CHST11: variants seen among roughly 807,000 people sequenced by gnomAD.
CHST11 encodes the protein C4S-1.
In CHST11, 9 loss-of-function variants were observed where a neutral mutation model predicts 30.4. The ratio of observed to expected loss-of-function variants is 0.30; its 90% CI spans 0.18 to 0.52. The LOEUF is 0.52. Among genes scored for constraint, CHST11 ranks in the 20% least tolerant of loss-of-function variants. The probability of loss-of-function intolerance (pLI) is 0.97; values close to 1 mark genes in which losing one functional copy is unlikely to be tolerated. For synonymous variants in CHST11, 152 were observed against 187.8 expected, an observed-to-expected ratio of 0.81 and a Z score of 1.56; for missense variants, 348 against 460.6, an observed-to-expected ratio of 0.76 and a Z score of 2.24.
chr12:104,730,829 C>T (rs956740455), intron 2 of CHST11, among the ~76,000 whole-genome samples: 1 of 152,174 alleles, frequency 6.6e-6, no homozygotes, highest in African/African-American at 2.4e-5. Flanking sequence ...TTGGAGTGGA[C>T]GGAAGGTGCA....
chr12:104,526,393 T>A (rs2038126175), intron 1 of CHST11, among the ~76,000 whole-genome samples: 1 of 152,032 alleles, frequency 6.6e-6, no homozygotes, highest in Non-Finnish European at 1.5e-5. Flanking sequence ...TGAGGGACAT[T>A]TAATTTATGT....
At chr12:104,493,183 T>G (rs2037766000) in intron 1 of CHST11, among the ~76,000 whole-genome samples, 1 of 152,202 alleles carries the variant, frequency 6.6e-6, no homozygotes, top group African/African-American at 2.4e-5. Context: ...ATGGAAATGG[T>G]GCACGATGGC....
intron 2 of CHST11, among the ~76,000 whole-genome samples, chr12:104,619,530 C>T (rs1402742174): frequency 6.6e-6 from 1 of 152,102 alleles, no homozygotes; most frequent in Non-Finnish European, 1.5e-5. Flanking sequence ...GGTCGTGTTT[C>T]GAGCGCTCTC....
intron 2 of CHST11, among the ~76,000 whole-genome samples, chr12:104,735,585 G>A (rs773815001): frequency 3.9e-5 from 6 of 152,200 alleles, no homozygotes; most frequent in Admixed American, 6.5e-5. Flanking sequence ...CACAGTTAGC[G>A]GGAAGAAGAG....
chr12:104,583,931 C>T (rs1313419816), intron 1 of CHST11, among the ~76,000 whole-genome samples: 1 of 152,042 alleles, frequency 6.6e-6, no homozygotes, highest in Non-Finnish European at 1.5e-5. Context: ...CGGGCTGGTC[C>T]CAAACTCCCG....
At chr12:104,513,426 A>G (rs2037989790) in intron 1 of CHST11, among the ~76,000 whole-genome samples, 1 of 152,204 alleles carries the variant, frequency 6.6e-6, no homozygotes, top group Non-Finnish European at 1.5e-5. Context: ...TTACCATTCC[A>G]GAACGTTTGT....
At chr12:104,559,974 T>C (rs913551877) in intron 1 of CHST11, among the ~76,000 whole-genome samples, 1 of 152,136 alleles carries the variant, frequency 6.6e-6, no homozygotes, top group Admixed American at 6.5e-5. Flanking sequence ...GTTGAGGAAG[T>C]CTTCCCTGAA....
intron 1 of CHST11, among the ~76,000 whole-genome samples, chr12:104,487,355 G>A (rs548264184): frequency 1.3e-5 from 2 of 152,246 alleles, no homozygotes; most frequent in Middle Eastern, 3.4e-3. Context: ...TTGACTTCTT[G>A]GGCTTAAGCG....
chr12:104,585,806 A>G (rs1407636025), intron 1 of CHST11, among the ~76,000 whole-genome samples: 1 of 152,192 alleles, frequency 6.6e-6, no homozygotes, highest in African/African-American at 2.4e-5. Flanking sequence ...TGAAGGCCCT[A>G]GGGAAGAATC....
intron 1 of CHST11, among the ~76,000 whole-genome samples, chr12:104,512,221 G>A (rs1243785322): frequency 6.6e-6 from 1 of 152,150 alleles, no homozygotes; most frequent in South Asian, 2.1e-4. Flanking sequence ...AGGGTAGAAA[G>A]AAAATGAAAT....
intron 2 of CHST11, among the ~76,000 whole-genome samples, chr12:104,612,668 T>G (rs2136054402): frequency 6.6e-6 from 1 of 152,306 alleles, no homozygotes; most frequent in African/African-American, 2.4e-5. Flanking sequence ...ATAAAAGTCC[T>G]TCTGTTAGCA....
At chr12:104,530,234 C>T (rs1021489382) in intron 1 of CHST11, among the ~76,000 whole-genome samples, 5 of 152,086 alleles carry the variant, frequency 3.3e-5, no homozygotes, top group African/African-American at 9.7e-5. Context: ...GAGTTAAATG[C>T]TCAATAAATG....
At chr12:104,679,448 C>T (rs1394726129) in intron 2 of CHST11, among the ~76,000 whole-genome samples, 1 of 152,276 alleles carries the variant, frequency 6.6e-6, no homozygotes, top group East Asian at 1.9e-4. Context: ...TCCCCCTGAG[C>T]CGCAGTCTCC....
chr12:104,642,465 A>G (rs192317649), intron 2 of CHST11, among the ~76,000 whole-genome samples: 52 of 152,284 alleles, frequency 3.4e-4, no homozygotes, highest in Admixed American at 1.8e-3. Context: ...CAGTGGCGCA[A>G]TCGTGGCTTA....
At chr12:104,684,534 ATGGTTTGGTT>A (rs201560164) in intron 2 of CHST11, among the ~76,000 whole-genome samples, 6 of 152,080 alleles carry the variant, frequency 3.9e-5, no homozygotes, top group Non-Finnish European at 5.9e-5. Flanking sequence ...TTTGTTTGAT[ATGGTTTGGTT>A]TGGTTTGGTT....
intron 2 of CHST11, among the ~76,000 whole-genome samples, chr12:104,731,845 A>G (rs766565190): frequency 1.9e-4 from 29 of 152,376 alleles, no homozygotes; most frequent in South Asian, 1.2e-3. Context: ...GCCTCCTTCA[A>G]GGTGCATTTG....
intron 1 of CHST11, among the ~76,000 whole-genome samples, chr12:104,461,555 C>T (rs1396858783): frequency 6.6e-6 from 1 of 152,222 alleles, no homozygotes; most frequent in African/African-American, 2.4e-5. Flanking sequence ...CTCTTCAGAA[C>T]CTTCCTTTTG....
chr12:104,728,715 G>A (rs1172826193), intron 2 of CHST11, among the ~76,000 whole-genome samples: 6 of 152,126 alleles, frequency 3.9e-5, no homozygotes, highest in Non-Finnish European at 7.4e-5. Context: ...AACCCTACCC[G>A]GGAAGGCTTG....
intron 2 of CHST11, among the ~76,000 whole-genome samples, chr12:104,726,235 G>C (rs1311818140): frequency 1.3e-5 from 2 of 152,172 alleles, no homozygotes; most frequent in Non-Finnish European, 2.9e-5. Context: ...TAGCTTCAAA[G>C]TTCAATGGTA....
Sources: gnomAD v4.1 joint callset for allele counts (sites outside exome capture counted in the v4.1 genomes callset) on GRCh38, gnomAD v4.1.1 for gene constraint, MANE v1.5 for transcripts, NCBI Gene and HGNC (gene_info 2026-07-23, HGNC 2026-07-21) for gene names.